Variants in RPN1 observed in about 807,000 individuals in gnomAD.
RPN1 encodes ribophorin I.
RPN1 carries 12 observed loss-of-function variants against 55.5 expected under a neutral mutation model. The observed-to-expected ratio is 0.22, with a 90% confidence interval of 0.14 to 0.35. The LOEUF (loss-of-function observed/expected upper bound fraction) is 0.35, where lower values mean the gene tolerates loss of function less well. Among genes scored for constraint, RPN1 ranks in the 10% least tolerant of loss-of-function variants. The probability of loss-of-function intolerance (pLI) is 1.00; values close to 1 mark genes in which losing one functional copy is unlikely to be tolerated. For missense variants in RPN1, 679 were observed against 761.3 expected, an observed-to-expected ratio of 0.89 and a Z score of 1.27; for synonymous variants, 317 against 305.9, an observed-to-expected ratio of 1.04 and a Z score of -0.38.
rs1360417514 is a variant in RPN1, at chr3:128,622,175, G to C, written c.1630C>G (p.Leu544Val). The change falls in exon 9 of 10, where the codon CTG becomes GTG. Residue 544 changes from leucine (L) to valine (V), a missense_variant. By Grantham distance (32) the Leu-to-Val change is conservative (BLOSUM62 1). Transcript: ENST00000296255. Reference protein sequence around the residue: ...QSRLKTEGSDLCDRVSEMQKL... With the variant: ...QSRLKTEGSDVCDRVSEMQKL... ...CGCCCGACACTTACTCTGTCGCACAGATCAGAGCCCTCTGTCTTCAGCCTG... is the reference window on the plus strand; with the variant it reads ...CGCCCGACACTTACTCTGTCGCACACATCAGAGCCCTCTGTCTTCAGCCTG... 1 of 1,614,154 alleles carries C rather than the reference G, an allele frequency of 6.2e-7. No homozygotes were observed. The highest frequency in any genetic ancestry group is 1.7e-5 in the Admixed American group (1 of 60,016).
At chr3:128,643,881 T>C (rs1280178234) in intron 2 of RPN1, among the ~76,000 whole-genome samples, 7 of 151,904 alleles carry the variant, frequency 4.6e-5, no homozygotes, top group African/African-American at 1.5e-4. Flanking sequence ...GAGAATCACT[T>C]GAACCATCGC....
chr3:128,643,756 T>C (rs537752123), intron 2 of RPN1, among the ~76,000 whole-genome samples: 13 of 151,636 alleles, frequency 8.6e-5, no homozygotes, highest in Middle Eastern at 3.4e-3. Context: ...GATTGCGCCA[T>C]TGCACTCCAG....
chr3:128,630,726 A>C (rs2069634956), intron 4 of RPN1, among the ~76,000 whole-genome samples: 1 of 152,250 alleles, frequency 6.6e-6, no homozygotes, highest in Non-Finnish European at 1.5e-5. Context: ...AACACTACAA[A>C]AGAACAAAGA....
intron 8 of RPN1, among the ~76,000 whole-genome samples, chr3:128,622,870 C>T (rs1330894370): frequency 1.3e-5 from 2 of 148,736 alleles, no homozygotes; most frequent in Non-Finnish European, 3.0e-5. Flanking sequence ...GCACTCCAGC[C>T]TGGGCGACAG....
chr3:128,642,889 G>A lies in RPN1; in HGVS notation c.326+2030C>T, dbSNP rs554389136. ...AAAAATTAACTGGGCGTGGTAGCAC[G>A]CGCCTTAATCCCAACTACTTGGGAG... is the stretch of plus-strand genomic sequence containing the variant. On this transcript the variant is annotated intron_variant, in intron 2 of 9. Transcript: ENST00000296255. Among the ~76,000 whole-genome samples the A allele has an allele frequency of 2.3e-4, 35 of 151,956 alleles. No homozygotes were observed. In the South Asian group the frequency reaches 2.5e-3, roughly 11 times the overall value.
At position 128,647,219 on chromosome 3, in the gene RPN1, C is replaced by A. The variant is rs977184488; in HGVS notation, c.262-2236G>T. ...CCAACCCACCCTCAACTGAAAAAAA[C>A]AAAAATTAGACTATCTTTTAGGACT... On this transcript the variant is annotated intron_variant, in intron 1 of 9. Transcript: ENST00000296255. Among the ~76,000 whole-genome samples, 24 of 151,958 alleles carry A rather than the reference C, an allele frequency of 1.6e-4. 1 individual carries two copies. The highest frequency in any genetic ancestry group is 2.9e-5 in the Non-Finnish European group (2 of 67,972).
At chr3:128,637,460 C>T (rs868778177) in intron 3 of RPN1, among the ~76,000 whole-genome samples, 1 of 152,088 alleles carries the variant, frequency 6.6e-6, no homozygotes, top group African/African-American at 2.4e-5. Flanking sequence ...AAGGAAGGCC[C>T]TCAACCACTC....
chr3:128,624,214 G>T (rs1181794936), intron 8 of RPN1, among the ~76,000 whole-genome samples: 1 of 152,162 alleles, frequency 6.6e-6, no homozygotes, highest in African/African-American at 2.4e-5. Flanking sequence ...ACCAGGCACG[G>T]TGTCTCATGC....
intron 9 of RPN1, among the ~76,000 whole-genome samples, chr3:128,621,375 C>T (rs2069557140): frequency 6.6e-6 from 1 of 152,128 alleles, no homozygotes; most frequent in Non-Finnish European, 1.5e-5. Context: ...TGGTGGTGTG[C>T]ACCTGTGATC....
intron 2 of RPN1, among the ~76,000 whole-genome samples, chr3:128,638,350 T>G (rs1057324153): frequency 2.0e-5 from 3 of 152,220 alleles, no homozygotes; most frequent in Non-Finnish European, 4.4e-5. Context: ...ACCTCCCGAA[T>G]AGCTGGGATT....
rs184612281 is a variant in RPN1, at chr3:128,642,200, C to T, written c.326+2719G>A. On this transcript the variant is annotated intron_variant, in intron 2 of 9. Coordinates refer to ENST00000296255, the MANE Select transcript of RPN1 (RefSeq NM_002950.4). ...AATAGCGACTTATTTAAAGCTAACT[C>T]TCAGATCTTACAGCCTCGGGGCTGG... The T allele has an allele frequency of 1.2e-4, 19 of 152,282 alleles. No individual in the cohort carries two copies. In the East Asian group the frequency reaches 3.3e-3, roughly 26 times the overall value. 9.4% of individuals were successfully genotyped at this position (152,282 alleles called of 1,614,324 possible).
At chr3:128,627,174 G>A (rs1054357673) in intron 5 of RPN1, 1 of 294,200 alleles carries the variant, frequency 3.4e-6, no homozygotes, top group Admixed American at 4.3e-5. Flanking sequence ...GCAGGCCAGT[G>A]TGAGGAGTGG....
At position 128,630,098 on chromosome 3, in the gene RPN1, T is replaced by C. The variant is rs1261986233; in HGVS notation, c.889A>G (p.Ile297Val). ...AAQDVYYRDE[I>V]GNVSTSHLLI... is the part of the protein sequence containing the mutation. ...AGGTGGCTGGTAGAAACATTGCCAA[T>C]CTCATCCCGGTAATAAACATCCTGG... Residue 297 changes from isoleucine (I) to valine (V), a missense_variant, in exon 5 of 10, where the codon ATT becomes GTT. Physicochemically the swap from Ile to Val is conservative, Grantham distance 29 (BLOSUM62 3). This residue lies in a region of RPN1 where 21 missense variants were observed against 48.6 expected (regional missense o/e 0.43). Transcript: ENST00000296255. 5 of 1,613,616 alleles carry C rather than the reference T, an allele frequency of 3.1e-6. No individual in the cohort carries two copies. In the South Asian group the frequency reaches 5.5e-5, roughly 18 times the overall value.
chr3:128,643,911 G>A (rs574861546), intron 2 of RPN1, among the ~76,000 whole-genome samples: 1 of 152,156 alleles, frequency 6.6e-6, no homozygotes, highest in East Asian at 1.9e-4. Context: ...CTCCAGCCTG[G>A]GCAACAGACA....
intron 1 of RPN1, among the ~76,000 whole-genome samples, chr3:128,646,278 T>A (rs553176084): frequency 6.9e-6 from 1 of 144,990 alleles, no homozygotes; most frequent in African/African-American, 2.6e-5. Flanking sequence ...AGAGACAAGA[T>A]CTCCCTATGT....
rs1325992737 is a variant in RPN1, at chr3:128,622,345, T to C, written c.1460A>G (p.Asn487Ser). The C allele has an allele frequency of 6.2e-7, 1 of 1,614,234 alleles. No homozygotes were observed. Among genetic ancestry groups the C allele is most frequent in the East Asian group, 2.2e-5 (1 of 44,882 alleles). Residue 487 changes from asparagine (N) to serine (S), a missense_variant, in exon 9 of 10, where the codon AAC becomes AGC. Physicochemically the swap from Asn to Ser is conservative, Grantham distance 46. This residue lies in a region of RPN1 where 306 missense variants were observed against 360.0 expected (regional missense o/e 0.85). Coordinates refer to ENST00000296255, the MANE Select transcript of RPN1 (RefSeq NM_002950.4). ...CITEQVLTLV[N>S]KRIGLYRHFD... ...GTGACGGTAAAGGCCTATTCTCTTG[T>C]TGACCAGGGTCAAGACCTGCTCTGT...
At chr3:128,628,510 A>C (rs797017121) in intron 5 of RPN1, among the ~76,000 whole-genome samples, 1 of 134,376 alleles carries the variant, frequency 7.4e-6, no homozygotes, top group Non-Finnish European at 1.6e-5. Flanking sequence ...AACTTCCTGG[A>C]CTCAAGTGTT....
intron 8 of RPN1, among the ~76,000 whole-genome samples, chr3:128,623,541 A>G (rs921601048): frequency 2.9e-5 from 3 of 101,860 alleles, no homozygotes; most frequent in Admixed American, 9.7e-5. Flanking sequence ...CTGTCTCGAG[A>G]AAAAAAACAT....
At chr3:128,633,227 TCTTTTTTTTTTTA>T (rs1473567188) in intron 3 of RPN1, among the ~76,000 whole-genome samples, 2 of 151,918 alleles carry the variant, frequency 1.3e-5, no homozygotes, top group Admixed American at 1.3e-4. Flanking sequence ...TCTTTTTTTT[TCTTTTTTTTTTTA>T]AATTATAAAC....
Sources: allele counts gnomAD v4.1 joint callset (sites outside exome capture counted in the v4.1 genomes callset), GRCh38; gene constraint gnomAD v4.1.1; regional missense constraint gnomAD v4.1.1; transcripts MANE v1.5; gene names NCBI Gene and HGNC (gene_info 2026-07-23, HGNC 2026-07-21).